Variants in GRM7 observed in about 807,000 individuals in gnomAD.
GRM7 encodes the protein metabotropic glutamate receptor 7.
Under a neutral mutation model 84.5 loss-of-function variants are expected in GRM7, and 35 were observed. The observed-to-expected ratio is 0.41, with a 90% CI of 0.32 to 0.55. The LOEUF (loss-of-function observed/expected upper bound fraction) is 0.55. Ranked by LOEUF, GRM7 falls within the 20% of genes least tolerant of loss-of-function variation. The pLI, the probability that GRM7 is intolerant of heterozygous loss-of-function variation, is 0.19. For synonymous variants in GRM7, 487 were observed against 455.1 expected (o/e 1.07, Z -0.89); for missense variants, 1,003 against 1,194.6 (o/e 0.84, Z 2.36).
intron 2 of GRM7, among the ~76,000 whole-genome samples, chr3:7,181,106 C>T (rs574886111): frequency 1.3e-5 from 2 of 152,226 alleles, no homozygotes; most frequent in Admixed American, 6.5e-5. Context: ...GATATAGAGA[C>T]GGAGAAGATT....
rs1692988494 is a variant in GRM7 at position 7,543,356 on chromosome 3, A to G, written c.1516-35066A>G. On this transcript the variant is annotated intron_variant, in intron 7 of 9. Transcript: ENST00000357716. ...GGCACAAGTGGTGGTGGAGATGACA[A>G]TGAGGGGAATATTTGGCAATGTATC... Among the ~76,000 whole-genome samples the G allele has an allele frequency of 2.6e-5, 4 of 152,314 alleles. No homozygotes were observed. In the South Asian group the frequency reaches 8.3e-4, roughly 32 times the overall value.
intron 2 of GRM7, among the ~76,000 whole-genome samples, chr3:7,157,602 A>G (rs1694494826): frequency 6.6e-6 from 1 of 152,204 alleles, no homozygotes; most frequent in South Asian, 2.1e-4. Flanking sequence ...AAAAAGATAC[A>G]AAATGTAATT....
intron 8 of GRM7, among the ~76,000 whole-genome samples, chr3:7,649,493 G>GTTGA: frequency 6.6e-6 from 1 of 152,228 alleles, no homozygotes; most frequent in Middle Eastern, 3.4e-3. Flanking sequence ...TTGACTTCTT[G>GTTGA]TTGATAGTGG....
At chr3:7,737,547 C>A (rs939465461) in intron 9 of GRM7, among the ~76,000 whole-genome samples, 2 of 152,132 alleles carry the variant, frequency 1.3e-5, no homozygotes, top group Non-Finnish European at 2.9e-5. Flanking sequence ...TTATCAGACA[C>A]CACAGGCACT....
intron 7 of GRM7, among the ~76,000 whole-genome samples, chr3:7,501,395 C>T (rs1288344595): frequency 6.6e-6 from 1 of 152,160 alleles, no homozygotes; most frequent in Non-Finnish European, 1.5e-5. Flanking sequence ...TTTATTTTGC[C>T]ATTGTCATGT....
chr3:7,500,110 T>C (rs909667321), intron 7 of GRM7, among the ~76,000 whole-genome samples: 1 of 152,184 alleles, frequency 6.6e-6, no homozygotes, highest in Non-Finnish European at 1.5e-5. Context: ...TCTTTAACTC[T>C]ACATTATTAC....
intron 1 of GRM7, among the ~76,000 whole-genome samples, chr3:6,900,873 G>T (rs1338849219): frequency 3.3e-5 from 5 of 152,150 alleles, no homozygotes; most frequent in Non-Finnish European, 7.3e-5. Flanking sequence ...CAAGCACCAG[G>T]CTGTGGCTAT....
intron 2 of GRM7, among the ~76,000 whole-genome samples, chr3:7,230,655 A>G (rs1210609690): frequency 6.6e-6 from 1 of 152,212 alleles, no homozygotes; most frequent in Non-Finnish European, 1.5e-5. Flanking sequence ...CAGCGGCTTA[A>G]TGCAGCTTTC....
chr3:7,112,517 C>A (rs1286674166), intron 1 of GRM7, among the ~76,000 whole-genome samples: 1 of 152,148 alleles, frequency 6.6e-6, no homozygotes. Context: ...AGCCACTGCA[C>A]CTGGCCTTAT....
chr3:7,618,629 G>A (rs1697219785), intron 8 of GRM7, among the ~76,000 whole-genome samples: 1 of 152,062 alleles, frequency 6.6e-6, no homozygotes, highest in Non-Finnish European at 1.5e-5. Context: ...AACTGAGTCT[G>A]GATGAATGTC....
At chr3:7,086,188 A>G (rs184356212) in intron 1 of GRM7, among the ~76,000 whole-genome samples, 15 of 152,292 alleles carry the variant, frequency 9.8e-5, no homozygotes, top group Non-Finnish European at 1.8e-4. Context: ...TATTGAGTCT[A>G]TAGAATCACT....
chr3:7,352,610 G>C (rs2875269), intron 4 of GRM7, among the ~76,000 whole-genome samples: 1 of 152,066 alleles, frequency 6.6e-6, no homozygotes, highest in African/African-American at 2.4e-5. Context: ...CGTTTCTACT[G>C]TTAAAGAGAG....
intron 1 of GRM7, among the ~76,000 whole-genome samples, chr3:6,888,198 G>GGTA (rs1559308157): frequency 6.6e-6 from 1 of 151,794 alleles, no homozygotes; most frequent in African/African-American, 2.4e-5. Context: ...TCACTCTGAT[G>GGTA]GTAGTTTCTT....
chr3:7,215,067 G>A (rs1009052742), intron 2 of GRM7, among the ~76,000 whole-genome samples: 21 of 152,056 alleles, frequency 1.4e-4, no homozygotes, highest in African/African-American at 5.1e-4. Flanking sequence ...TACAACACTG[G>A]GTGAATGAGA....
At chr3:7,241,413 C>A (rs1340743367) in intron 2 of GRM7, among the ~76,000 whole-genome samples, 1 of 152,028 alleles carries the variant, frequency 6.6e-6, no homozygotes, top group Non-Finnish European at 1.5e-5. Context: ...TCATCATTAG[C>A]ATTATTTTTT....
chr3:7,496,079 G>A (rs1159062889), intron 7 of GRM7, among the ~76,000 whole-genome samples: 2 of 152,164 alleles, frequency 1.3e-5, no homozygotes, highest in Non-Finnish European at 2.9e-5. Context: ...ATCAGTAGTA[G>A]AATGTGGAAG....
chr3:7,075,566 T>C (rs1385757070), intron 1 of GRM7, among the ~76,000 whole-genome samples: 1 of 151,090 alleles, frequency 6.6e-6, no homozygotes, highest in Non-Finnish European at 1.5e-5. Context: ...AGTCTCACTC[T>C]GTCGCCCAGG....
intron 3 of GRM7, among the ~76,000 whole-genome samples, chr3:7,299,372 G>A (rs1359910412): frequency 6.6e-6 from 1 of 152,066 alleles, no homozygotes; most frequent in African/African-American, 2.4e-5. Flanking sequence ...GCTTTGACAT[G>A]TTTCCACAAT....
intron 4 of GRM7, among the ~76,000 whole-genome samples, chr3:7,410,624 C>A (rs1695890506): frequency 1.4e-5 from 2 of 145,638 alleles, no homozygotes; most frequent in Non-Finnish European, 3.0e-5. Context: ...CACACACACA[C>A]AAATACACAC....
Sources: gnomAD v4.1 joint callset for allele counts (sites outside exome capture counted in the v4.1 genomes callset) on GRCh38, gnomAD v4.1.1 for gene constraint, MANE v1.5 for transcripts, NCBI Gene and HGNC (gene_info 2026-07-23, HGNC 2026-07-21) for gene names.